Variants in MGAT5 observed in about 807,000 individuals in gnomAD.
MGAT5 encodes the protein alpha-1,6-mannosylglycoprotein 6-beta-N-acetylglucosaminyltransferase, also known as alpha-1,6-mannosylglycoprotein 6-beta-N-acetylglucosaminyltransferase A.
In MGAT5, 30 loss-of-function variants were observed where a neutral mutation model predicts 94.3. The observed-to-expected ratio is 0.32, with a 90% CI of 0.24 to 0.43. MGAT5 has a LOEUF of 0.43. Among genes scored for constraint, MGAT5 ranks in the 20% least tolerant of loss-of-function variants. The probability of loss-of-function intolerance (pLI) is 1.00; values close to 1 mark genes in which losing one functional copy is unlikely to be tolerated. For missense variants in MGAT5, 691 were observed against 905.5 expected (o/e 0.76, Z 3.04); for synonymous variants, 310 against 322.9 (o/e 0.96, Z 0.43).
chr2:134,398,980 G>C (rs1682875658), intron 10 of MGAT5, among the ~76,000 whole-genome samples: 1 of 152,164 alleles, frequency 6.6e-6, no homozygotes, highest in African/African-American at 2.4e-5. Context: ...GAAGGAATAA[G>C]TTCTAGTGTT....
intron 10 of MGAT5, among the ~76,000 whole-genome samples, chr2:134,396,796 A>T (rs1682738986): frequency 6.6e-6 from 1 of 152,240 alleles, no homozygotes; most frequent in Admixed American, 6.5e-5. Context: ...GCCCTGGAGA[A>T]GTTCACAGTT....
intron 1 of MGAT5, among the ~76,000 whole-genome samples, chr2:134,167,027 T>C (rs1423777300): frequency 2.0e-5 from 3 of 152,212 alleles, no homozygotes; most frequent in Non-Finnish European, 4.4e-5. Flanking sequence ...TATGGTAAGA[T>C]GGGTCTCAAA....
intron 4 of MGAT5, among the ~76,000 whole-genome samples, chr2:134,333,672 T>C (rs906193819): frequency 6.6e-6 from 1 of 152,070 alleles, no homozygotes; most frequent in South Asian, 2.1e-4. Flanking sequence ...GGGTTAAGCT[T>C]GTTAAAGGAC....
rs530989670 is a variant in MGAT5 at position 134,192,726 on chromosome 2, G to A, written c.-142-61536G>A. 1.2e-4 allele frequency among the ~76,000 whole-genome samples: 18 copies of A among 151,766 alleles called. No homozygotes were observed. In the East Asian group the frequency reaches 2.9e-3, roughly 24 times the overall value. The stretch of plus-strand genomic sequence containing the variant: ...AATAGAAAAATTGAACAAATTAAAT[G>A]CCTAGTACTGTGGGATTATTTAAGT... On this transcript the variant is annotated intron_variant, in intron 1 of 16. Coordinates refer to the MGAT5 transcript ENST00000409645.
intron 12 of MGAT5, among the ~76,000 whole-genome samples, chr2:134,416,386 A>T (rs1364332112): frequency 6.6e-6 from 1 of 151,872 alleles, no homozygotes; most frequent in Non-Finnish European, 1.5e-5. Context: ...GAACCATATA[A>T]TGTCTGTCCT....
intron 1 of MGAT5, among the ~76,000 whole-genome samples, chr2:134,170,804 G>T (rs6430499): frequency 0.087 from 13,109 of 151,014 alleles, 1,308 homozygotes; most frequent in African/African-American, 0.25. Context: ...AAGGAGTTTT[G>T]TAGAGGGAAA....
chr2:134,284,451 C>T (rs932429733), intron 2 of MGAT5, among the ~76,000 whole-genome samples: 2 of 152,132 alleles, frequency 1.3e-5, no homozygotes, highest in Non-Finnish European at 2.9e-5. Context: ...AAAATATTTC[C>T]TATCTGGCTT....
intron 1 of MGAT5, among the ~76,000 whole-genome samples, chr2:134,238,884 G>A (rs547962538): frequency 1.7e-4 from 26 of 152,288 alleles, no homozygotes; most frequent in Admixed American, 5.9e-4. Context: ...TGGAGGTTGC[G>A]GTGAGCCGAG....
At chr2:134,237,962 G>A (rs1681755610) in intron 1 of MGAT5, among the ~76,000 whole-genome samples, 1 of 152,006 alleles carries the variant, frequency 6.6e-6, no homozygotes, top group African/African-American at 2.4e-5. Context: ...TGTTGGCCAG[G>A]CTGATCTCCA....
chr2:134,261,194 C>T (rs974149824), intron 1 of MGAT5, among the ~76,000 whole-genome samples: 3 of 152,254 alleles, frequency 2.0e-5, no homozygotes, highest in Admixed American at 1.3e-4. Flanking sequence ...AGGGATTGCA[C>T]GCACATGTGT....
At chr2:134,369,415 C>T (rs917973972) in intron 10 of MGAT5, among the ~76,000 whole-genome samples, 81 of 152,258 alleles carry the variant, frequency 5.3e-4, no homozygotes, top group African/African-American at 1.8e-3. Context: ...GAAATGGGAA[C>T]CTGGCTCTGG....
chr2:134,322,519 G>A (rs1401596715), intron 4 of MGAT5, among the ~76,000 whole-genome samples: 4 of 152,154 alleles, frequency 2.6e-5, no homozygotes, highest in African/African-American at 9.7e-5. Flanking sequence ...CCCTTGATTG[G>A]TCATTTCTGG....
chr2:134,251,089 T>C (rs1682559490), upstream of MGAT5, among the ~76,000 whole-genome samples: 2 of 152,010 alleles, frequency 1.3e-5, no homozygotes, highest in Non-Finnish European at 2.9e-5. Context: ...TTTACTAAAA[T>C]AGTGAAAGAA....
chr2:134,338,557 A>G (rs1327068311), intron 6 of MGAT5, 137 bp downstream of exon 6: 5 of 953,112 alleles, frequency 5.2e-6, no homozygotes, highest in Non-Finnish European at 7.4e-6. Flanking sequence ...TCTCTTGTAC[A>G]GCTGTTTTTG....
intron 1 of MGAT5, among the ~76,000 whole-genome samples, chr2:134,218,326 C>T (rs780439216): frequency 2.8e-4 from 42 of 149,488 alleles, no homozygotes; most frequent in East Asian, 1.6e-3. Flanking sequence ...ATTAATTCAA[C>T]GTATCAGTTA....
At chr2:134,314,930 G>A (rs1686912236) in intron 2 of MGAT5, among the ~76,000 whole-genome samples, 1 of 152,168 alleles carries the variant, frequency 6.6e-6, no homozygotes, top group African/African-American at 2.4e-5. Flanking sequence ...TCGTTCAGCT[G>A]TTATCTGTGG....
chr2:134,214,374 A>G (rs1210320237), intron 1 of MGAT5, among the ~76,000 whole-genome samples: 3 of 152,342 alleles, frequency 2.0e-5, no homozygotes, highest in African/African-American at 7.2e-5. Flanking sequence ...AGGAGTGTTC[A>G]ATCTTTTGGC....
At chr2:134,265,174 C>T (rs77742259) in intron 1 of MGAT5, among the ~76,000 whole-genome samples, 8,397 of 152,284 alleles carry the variant, frequency 0.055, 316 homozygotes, top group Middle Eastern at 0.18. Context: ...AGCTCCCAAG[C>T]ATGGCCATTT....
Position 134,428,348 on chromosome 2 carries a change from A to T in MGAT5, c.1795-17A>T. On this transcript the variant is annotated splice_polypyrimidine_tract_variant and intron_variant, in intron 13 of 15. Coordinates refer to ENST00000281923, the MANE Select transcript of MGAT5 (RefSeq NM_002410.5). The stretch of plus-strand genomic sequence containing the variant: ...CTCTGTCCTTCTCCTTCATGGTATC[A>T]TGCTCTGTTTCCACAGATTGAGCCA... 1 of 1,611,766 alleles carries T rather than the reference A, an allele frequency of 6.2e-7. No homozygotes were observed.
Sources: allele counts gnomAD v4.1 joint callset (sites outside exome capture counted in the v4.1 genomes callset), GRCh38; gene constraint gnomAD v4.1.1; transcripts MANE v1.5; gene names NCBI Gene and HGNC (gene_info 2026-07-23, HGNC 2026-07-21).